The following FAM227B variants were observed in gnomAD, a reference collection of about 807,000 sequenced individuals.
FAM227B encodes the protein family with sequence similarity 227 member B, also known as protein FAM227B.
Under a neutral mutation model 73.8 loss-of-function variants are expected in FAM227B, and 88 were observed. That is an observed-to-expected ratio of 1.19 (90% CI 1.00 to 1.42). The LOEUF (loss-of-function observed/expected upper bound fraction) is 1.42. Ranked by LOEUF, FAM227B falls within the 40% of genes most tolerant of loss-of-function variation. FAM227B has a pLI of 0.00. For synonymous variants in FAM227B, 210 were observed against 190.5 expected, an observed-to-expected ratio of 1.10 and a Z score of -0.84; for missense variants, 632 against 590.9, an observed-to-expected ratio of 1.07 and a Z score of -0.72.
chr15:49,343,938 A>G (rs1409951273), intron 13 of FAM227B: 1 of 152,226 alleles, frequency 6.6e-6, no homozygotes, highest in Non-Finnish European at 1.5e-5. Context: ...TTTAAAAATA[A>G]AACATCCTTA....
At chr15:49,566,938 T>C (rs949995965) in intron 9 of FAM227B, among the ~76,000 whole-genome samples, 1 of 152,216 alleles carries the variant, frequency 6.6e-6, no homozygotes, top group Non-Finnish European at 1.5e-5. Context: ...GTGAGAACAT[T>C]TGGATCATAA....
intron 1 of FAM227B, among the ~76,000 whole-genome samples, chr15:49,616,492 T>A (rs1035292550): frequency 2.1e-4 from 32 of 152,228 alleles, no homozygotes; most frequent in Admixed American, 2.0e-3. Context: ...GCCACACACT[T>A]AACTGATGCT....
chr15:49,503,206 A>G (rs866350216), intron 11 of FAM227B, among the ~76,000 whole-genome samples: 2 of 152,318 alleles, frequency 1.3e-5, no homozygotes. Context: ...TGGTGCTGGG[A>G]AAACTGGCTA....
intron 3 of FAM227B, among the ~76,000 whole-genome samples, chr15:49,596,109 A>G (rs909259744): frequency 6.6e-6 from 1 of 151,988 alleles, no homozygotes; most frequent in African/African-American, 2.4e-5. Flanking sequence ...AGGAAGCTCA[A>G]TGGACATCCA....
intron 11 of FAM227B, among the ~76,000 whole-genome samples, chr15:49,409,441 A>T (rs72727281): frequency 0.05 from 7,643 of 151,744 alleles, 265 homozygotes; most frequent in East Asian, 0.071. Context: ...TTGTTTCTTC[A>T]TCTGGAAAAT....
At chr15:49,617,628 A>G (rs1383484105) in intron 1 of FAM227B, among the ~76,000 whole-genome samples, 1 of 136,140 alleles carries the variant, frequency 7.3e-6, no homozygotes, top group Non-Finnish European at 1.7e-5. Flanking sequence ...GCAAGATACT[A>G]AAAAAAAATT....
intron 11 of FAM227B, among the ~76,000 whole-genome samples, chr15:49,416,558 G>C (rs1157122951): frequency 1.1e-4 from 17 of 152,102 alleles, no homozygotes; most frequent in Non-Finnish European, 5.9e-5. Flanking sequence ...AGGAAGAGAA[G>C]AAGTCAAACT....
At chr15:49,596,411 T>C (rs937001917) in intron 3 of FAM227B, among the ~76,000 whole-genome samples, 1 of 151,838 alleles carries the variant, frequency 6.6e-6, no homozygotes, top group African/African-American at 2.4e-5. Flanking sequence ...AAACAAATGA[T>C]GAGAGAGAGA....
chr15:49,366,739 G>A (rs1596602134), intron 13 of FAM227B: 3 of 918,850 alleles, frequency 3.3e-6, no homozygotes, highest in East Asian at 5.3e-5. Context: ...GGTGGGGTAG[G>A]CTGGGAGTCC....
chr15:49,518,062 T>C (rs2059504655), intron 10 of FAM227B, among the ~76,000 whole-genome samples: 1 of 152,176 alleles, frequency 6.6e-6, no homozygotes, highest in Admixed American at 6.5e-5. Flanking sequence ...ACAGTTTCTG[T>C]CTTGATGATT....
chr15:49,491,254 C>T (rs189155958), intron 11 of FAM227B, among the ~76,000 whole-genome samples: 64 of 151,880 alleles, frequency 4.2e-4, no homozygotes, highest in Middle Eastern at 6.8e-3. Flanking sequence ...TTTCAAATTC[C>T]TTCCCATCTC....
intron 11 of FAM227B, among the ~76,000 whole-genome samples, chr15:49,397,219 A>G (rs992493860): frequency 3.3e-5 from 5 of 152,202 alleles, no homozygotes; most frequent in Admixed American, 6.5e-5. Context: ...TCAGGAGCCG[A>G]CGCGATCAAC....
At chr15:49,619,362 C>T (rs148230426) in intron 1 of FAM227B, among the ~76,000 whole-genome samples, 2,082 of 152,244 alleles carry the variant, frequency 0.014, 16 homozygotes, top group Middle Eastern at 0.024. Context: ...AGTAGCACCG[C>T]GTTACTTTTT....
intron 11 of FAM227B, among the ~76,000 whole-genome samples, chr15:49,386,271 T>TA (rs562757111): frequency 3.9e-4 from 57 of 145,372 alleles, no homozygotes; most frequent in East Asian, 7.9e-4. Flanking sequence ...CTCAATAAAT[T>TA]AAAAAAAAAA....
chr15:49,424,859 T>C, intron 11 of FAM227B: 1 of 224,040 alleles, frequency 4.5e-6, no homozygotes, highest in East Asian at 8.7e-5. Context: ...AAGCAAAATG[T>C]AAATAATATT....
At chr15:49,527,533 T>C (rs2060293585) in intron 10 of FAM227B, among the ~76,000 whole-genome samples, 1 of 151,868 alleles carries the variant, frequency 6.6e-6, no homozygotes, top group Admixed American at 6.6e-5. Flanking sequence ...CGAGAAATAA[T>C]AGAAGACACC....
chr15:49,330,134 T>G (rs919447), intron 15 of FAM227B: 63,046 of 152,098 alleles, frequency 0.41, 13,208 homozygotes, highest in African/African-American at 0.43. Flanking sequence ...AAAAGATGAG[T>G]AGAGTTTAAA....
intron 10 of FAM227B, among the ~76,000 whole-genome samples, chr15:49,539,797 T>C (rs2070798459): frequency 6.6e-6 from 1 of 152,150 alleles, no homozygotes; most frequent in South Asian, 2.1e-4. Context: ...GAGGTGTTTA[T>C]GGAGTGGCTG....
chr15:49,457,785 T>C lies in FAM227B; in HGVS notation c.1012+50426A>G, dbSNP rs922016040. Among the ~76,000 whole-genome samples, 3 of 151,964 alleles carry C rather than the reference T, an allele frequency of 2.0e-5. No homozygotes were observed. In the East Asian group the frequency reaches 5.8e-4, roughly 29 times the overall value. The stretch of plus-strand genomic sequence containing the variant: ...AAAATTAAAAGAATTGATTAATACA[T>C]TATATTAGAGAATAGGAATTTTTAT... On this transcript the variant is annotated intron_variant, in intron 11 of 15. Coordinates refer to ENST00000299338, the MANE Select transcript of FAM227B (RefSeq NM_152647.3).
Sources: gnomAD v4.1 joint callset for allele counts (sites outside exome capture counted in the v4.1 genomes callset) on GRCh38, gnomAD v4.1.1 for gene constraint, MANE v1.5 for transcripts, NCBI Gene and HGNC (gene_info 2026-07-23, HGNC 2026-07-21) for gene names.